PPARGC1A: variants seen among roughly 807,000 people sequenced by gnomAD.
PPARGC1A encodes the protein peroxisome proliferator-activated receptor gamma coactivator 1-alpha.
PPARGC1A carries 25 observed loss-of-function variants against 88.7 expected under a neutral mutation model. That is an observed-to-expected ratio of 0.28 (90% CI 0.21 to 0.39). The LOEUF (loss-of-function observed/expected upper bound fraction) is 0.39. Ranked by LOEUF, PPARGC1A falls within the 10% of genes least tolerant of loss-of-function variation. The pLI is 1.00. For synonymous variants in PPARGC1A, 363 were observed against 355.6 expected, an observed-to-expected ratio of 1.02 and a Z score of -0.24; for missense variants, 880 against 968.7, an observed-to-expected ratio of 0.91 and a Z score of 1.22.
the PPARGC1A span, among the ~76,000 whole-genome samples, chr4:24,427,447 G>C: frequency 6.6e-6 from 1 of 151,792 alleles, no homozygotes; most frequent in African/African-American, 2.4e-5. Context: ...TGTCCAGTTA[G>C]GTAATGTATT....
chr4:24,041,833 G>A, the PPARGC1A span, among the ~76,000 whole-genome samples: 15 of 151,892 alleles, frequency 9.9e-5, no homozygotes, highest in East Asian at 2.9e-3. Flanking sequence ...TGAATTATAT[G>A]GGTAACAAGT....
At chr4:24,339,212 GTATATATATATATA>G in the PPARGC1A span, among the ~76,000 whole-genome samples, 25 of 59,100 alleles carry the variant, frequency 4.2e-4, no homozygotes, top group African/African-American at 8.2e-4. Context: ...GTGTGTGTGT[GTATATATATATATA>G]TATATATATA....
the PPARGC1A span, among the ~76,000 whole-genome samples, chr4:24,369,206 TGG>T: frequency 6.6e-6 from 1 of 152,090 alleles, no homozygotes; most frequent in African/African-American, 2.4e-5. Flanking sequence ...TATTTCTCTT[TGG>T]TCAGTGTTTT....
chr4:23,796,770 A>T (rs1164871447), intron 12 of PPARGC1A, among the ~76,000 whole-genome samples: 1 of 152,148 alleles, frequency 6.6e-6, no homozygotes, highest in Non-Finnish European at 1.5e-5. Flanking sequence ...AAATATAATA[A>T]AAAGCCTCTT....
the PPARGC1A span, among the ~76,000 whole-genome samples, chr4:24,248,297 T>C: frequency 6.6e-6 from 1 of 152,060 alleles, no homozygotes; most frequent in South Asian, 2.1e-4. Flanking sequence ...GCTAATTGTT[T>C]TGCATTTTTA....
chr4:24,100,377 C>A, the PPARGC1A span, among the ~76,000 whole-genome samples: 1 of 152,158 alleles, frequency 6.6e-6, no homozygotes, highest in Non-Finnish European at 1.5e-5. Flanking sequence ...TTGTCACTAC[C>A]TCTGGAGAAC....
At chr4:24,045,075 A>G in the PPARGC1A span, among the ~76,000 whole-genome samples, 1 of 152,120 alleles carries the variant, frequency 6.6e-6, no homozygotes, top group African/African-American at 2.4e-5. Flanking sequence ...AAGAGCCTAC[A>G]TCCTAATTCT....
the PPARGC1A span, among the ~76,000 whole-genome samples, chr4:24,177,241 G>C: frequency 2.0e-5 from 3 of 152,148 alleles, no homozygotes; most frequent in Non-Finnish European, 4.4e-5. Context: ...TGATAGACTG[G>C]ATTAAGAAAA....
the PPARGC1A span, among the ~76,000 whole-genome samples, chr4:24,353,274 G>T: frequency 6.8e-6 from 1 of 147,172 alleles, no homozygotes; most frequent in Non-Finnish European, 1.5e-5. Flanking sequence ...TATTCTGCAA[G>T]CCACAAAGCA....
At chr4:24,366,871 A>C in the PPARGC1A span, among the ~76,000 whole-genome samples, 1 of 152,154 alleles carries the variant, frequency 6.6e-6, no homozygotes, top group East Asian at 1.9e-4. Context: ...CTTTTCTGCA[A>C]CTTCCAAATC....
At chr4:24,103,595 C>CAAA in the PPARGC1A span, among the ~76,000 whole-genome samples, 279 of 121,508 alleles carry the variant, frequency 2.3e-3, 1 homozygote, top group African/African-American at 5.0e-3. Context: ...TGCCTTCTTC[C>CAAA]AAAAAAAAAA....
chr4:24,108,595 A>G, the PPARGC1A span, among the ~76,000 whole-genome samples: 1 of 152,148 alleles, frequency 6.6e-6, no homozygotes, highest in Non-Finnish European at 1.5e-5. Context: ...AATTCACAAC[A>G]CAGCTCTCTG....
the PPARGC1A span, among the ~76,000 whole-genome samples, chr4:24,457,925 A>C: frequency 2.6e-5 from 4 of 152,108 alleles, no homozygotes; most frequent in Non-Finnish European, 4.4e-5. Context: ...AGTAAATAGA[A>C]CAAGAAAGAT....
At chr4:24,447,742 C>T in the PPARGC1A span, among the ~76,000 whole-genome samples, 12 of 152,090 alleles carry the variant, frequency 7.9e-5, no homozygotes, top group African/African-American at 2.7e-4. Flanking sequence ...CCCACATATA[C>T]ACTCAACCCA....
intron 2 of PPARGC1A, among the ~76,000 whole-genome samples, chr4:23,871,568 G>C (rs1464363170): frequency 1.3e-5 from 2 of 152,146 alleles, no homozygotes; most frequent in Non-Finnish European, 2.9e-5. Flanking sequence ...GAGAGAGCAG[G>C]GTGTCCCCGC....
At chr4:24,126,998 G>A in the PPARGC1A span, among the ~76,000 whole-genome samples, 4 of 152,032 alleles carry the variant, frequency 2.6e-5, no homozygotes, top group Non-Finnish European at 4.4e-5. Flanking sequence ...TCCTATCCCC[G>A]AGCCAAGCCG....
chr4:24,373,732 T>C, the PPARGC1A span, among the ~76,000 whole-genome samples: 1 of 152,202 alleles, frequency 6.6e-6, no homozygotes, highest in Admixed American at 6.5e-5. Context: ...AAAAAATTGA[T>C]AGGTTGCCCA....
At chr4:24,088,572 C>T in the PPARGC1A span, among the ~76,000 whole-genome samples, 1 of 152,014 alleles carries the variant, frequency 6.6e-6, no homozygotes, top group Non-Finnish European at 1.5e-5. Flanking sequence ...CTCTGTTTCC[C>T]TATTGGTACA....
chr4:23,876,827 A>G (rs1451051913), intron 2 of PPARGC1A, among the ~76,000 whole-genome samples: 1 of 150,082 alleles, frequency 6.7e-6, no homozygotes, highest in Non-Finnish European at 1.5e-5. Context: ...AAGGAGAAAG[A>G]AAAAAAAAAG....
Sources: allele counts gnomAD v4.1 joint callset (sites outside exome capture counted in the v4.1 genomes callset), GRCh38; gene constraint gnomAD v4.1.1; transcripts MANE v1.5; gene names NCBI Gene and HGNC (gene_info 2026-07-23, HGNC 2026-07-21).